The following ATF7 variants were observed in gnomAD, a reference collection of about 807,000 sequenced individuals.
ATF7 encodes the protein activating transcription factor 7.
ATF7 carries 10 observed loss-of-function variants against 50.4 expected under a neutral mutation model. The observed-to-expected ratio is 0.20, with a 90% confidence interval of 0.12 to 0.34. The LOEUF is 0.34. Among genes scored for constraint, ATF7 ranks in the 10% least tolerant of loss-of-function variants. The pLI is 1.00. For synonymous variants in ATF7, 201 were observed against 226.4 expected, an observed-to-expected ratio of 0.89 and a Z score of 1.01; for missense variants, 465 against 613.9, an observed-to-expected ratio of 0.76 and a Z score of 2.56.
chr12:53,573,216 C>T (rs538134207), intron 2 of ATF7, among the ~76,000 whole-genome samples: 1 of 151,996 alleles, frequency 6.6e-6, no homozygotes, highest in South Asian at 2.1e-4. Context: ...TCTTACTGTG[C>T]TGAATTTATA....
At chr12:53,525,990 C>T (rs113982798) in intron 9 of ATF7, among the ~76,000 whole-genome samples, 4 of 152,070 alleles carry the variant, frequency 2.6e-5, no homozygotes, top group Admixed American at 1.3e-4. Context: ...GCAGGCGGAT[C>T]ACTTGAGATC....
chr12:53,562,983 T>C (rs1941232712), intron 2 of ATF7, among the ~76,000 whole-genome samples: 1 of 152,196 alleles, frequency 6.6e-6, no homozygotes, highest in African/African-American at 2.4e-5. Flanking sequence ...TGTCCTCTTG[T>C]CCTTGTTTAT....
chr12:53,581,054 G>A (rs930919176), intron 2 of ATF7, among the ~76,000 whole-genome samples: 2 of 151,938 alleles, frequency 1.3e-5, no homozygotes, highest in African/African-American at 4.8e-5. Flanking sequence ...AGAGCTTGCA[G>A]TGAGCCAAGA....
intron 2 of ATF7, among the ~76,000 whole-genome samples, chr12:53,554,870 GAAAAAAAAAA>G (rs61675595): frequency 5.3e-5 from 4 of 76,048 alleles, no homozygotes; most frequent in South Asian, 5.1e-4. Flanking sequence ...CTCAAAAAAA[GAAAAAAAAAA>G]AAAAAAAAAA....
chr12:53,608,715 T>C (rs749959841), intron 1 of ATF7, among the ~76,000 whole-genome samples: 3 of 152,210 alleles, frequency 2.0e-5, no homozygotes, highest in South Asian at 2.1e-4. Context: ...AAAAATTATA[T>C]GCAAACAGCT....
At chr12:53,536,198 T>A (rs982995075) in intron 5 of ATF7, among the ~76,000 whole-genome samples, 1 of 152,134 alleles carries the variant, frequency 6.6e-6, no homozygotes, top group African/African-American at 2.4e-5. Flanking sequence ...TTTATAAGTA[T>A]GTACTTTTGT....
chr12:53,589,231 C>A (rs1367272069), intron 2 of ATF7, among the ~76,000 whole-genome samples: 1 of 152,088 alleles, frequency 6.6e-6, no homozygotes. Flanking sequence ...ACTGAGTAAC[C>A]CTGTACAAGT....
At chr12:53,553,163 C>T (rs992516621) in intron 2 of ATF7, among the ~76,000 whole-genome samples, 6 of 152,202 alleles carry the variant, frequency 3.9e-5, no homozygotes, top group African/African-American at 1.2e-4. Flanking sequence ...CTGCAGCAGG[C>T]GCCTGCATGG....
Position 53,517,305 on chromosome 12 carries a change from A to T in ATF7, c.1284T>A (p.Ile428=), listed in dbSNP as rs2137307734. The T allele has an allele frequency of 6.2e-7, 1 of 1,613,972 alleles. No individual in the cohort carries two copies. The highest frequency in any genetic ancestry group is 2.2e-5 in the East Asian group (1 of 44,888). ...SEPTGSPAPV[I]QHSSATAPSN... ...TAGGGGCTGTTGCTGAGCTGTGCTG[A>T]ATCACAGGGGCTGGAGAACCCGTTG... The change falls in exon 12 of 12, where the codon ATT becomes ATA. Residue 428 remains isoleucine, a synonymous_variant. Transcript: ENST00000420353.
chr12:53,550,339 TA>T (rs1290152303), intron 3 of ATF7, among the ~76,000 whole-genome samples: 2 of 128,314 alleles, frequency 1.6e-5, no homozygotes, highest in Non-Finnish European at 3.3e-5. Context: ...AAAAAATAAA[TA>T]AATAAATAAA....
chr12:53,605,429 T>C (rs1277331320), intron 1 of ATF7, among the ~76,000 whole-genome samples: 1 of 151,710 alleles, frequency 6.6e-6, no homozygotes, highest in East Asian at 1.9e-4. Context: ...AGGAAGAAGT[T>C]TGAAATTAAT....
intron 2 of ATF7, among the ~76,000 whole-genome samples, chr12:53,579,531 G>A (rs1000013048): frequency 2.0e-5 from 3 of 147,032 alleles, no homozygotes; most frequent in African/African-American, 7.6e-5. Context: ...CACCCTGGGA[G>A]ACAGTGCGAA....
At chr12:53,558,033 G>T (rs1940860098) in intron 2 of ATF7, among the ~76,000 whole-genome samples, 1 of 152,136 alleles carries the variant, frequency 6.6e-6, no homozygotes, top group African/African-American at 2.4e-5. Context: ...GGTTTGCATT[G>T]TATTTCTTTT....
At position 53,531,831 on chromosome 12, in the gene ATF7, AC is replaced by A; in HGVS notation, c.839del (p.Gly280ValfsTer7). The stretch of plus-strand genomic sequence containing the variant: ...GGGCTGTCACCATGGTGCTGGCAGT[AC>A]CCACCACCATTCCACAACCACCATT... Reference protein sequence around the residue: ...SINGGCGMVVGTASTMVTARP... With the variant: ...SINGGCGMVVXTASTMVTARP... On this transcript the variant is annotated frameshift_variant, in exon 9 of 12. Transcript: ENST00000420353. LOFTEE classifies it high-confidence loss of function. The A allele has an allele frequency of 6.2e-7, 1 of 1,613,368 alleles. No homozygotes were observed. Among genetic ancestry groups the A allele is most frequent in the Non-Finnish European group, 8.5e-7 (1 of 1,179,798 alleles).
chr12:53,524,721 C>G lies in ATF7; in HGVS notation c.968G>C (p.Arg323Pro), dbSNP rs763653671. Residue 323 changes from arginine to proline, a missense_variant, in exon 10 of 12, where the codon CGG becomes CCG. Physicochemically the swap from Arg to Pro is moderately radical, Grantham distance 103. Coordinates refer to ENST00000420353, the MANE Select transcript of ATF7 (RefSeq NM_006856.3). This position sits in a 1 kb window ranked among gnomAD's most constrained non-coding sequence, Gnocchi z 4.6. ...AQPTPSTGGRRRRTVDEDPDE... is the reference protein window; with the variant it reads ...AQPTPSTGGRPRRTVDEDPDE... ...TGGATCTTCATCTACTGTGCGCCGC[C>G]GTCGCCCCCCAGTACTAGGGGTGGG... 6.2e-7 allele frequency: 1 copy of G among 1,612,198 alleles called. No homozygotes were observed. The highest frequency in any genetic ancestry group is 1.1e-5 in the South Asian group (1 of 90,964).
chr12:53,533,749 A>C (rs761712374), intron 6 of ATF7, among the ~76,000 whole-genome samples: 2 of 152,196 alleles, frequency 1.3e-5, no homozygotes, highest in Non-Finnish European at 2.9e-5. Context: ...TCCTGACAAC[A>C]GCCTCTTAAC....
chr12:53,564,200 C>T (rs573549005), intron 2 of ATF7, among the ~76,000 whole-genome samples: 1 of 152,286 alleles, frequency 6.6e-6, no homozygotes, highest in South Asian at 2.1e-4. Flanking sequence ...CATGGCAAAA[C>T]CCTGTCTCTA....
intron 2 of ATF7, among the ~76,000 whole-genome samples, chr12:53,570,727 TCCTGTGTG>T (rs1439347049): frequency 1.4e-4 from 18 of 130,328 alleles, no homozygotes; most frequent in African/African-American, 3.4e-4. Context: ...CATAGTGTTC[TCCTGTGTG>T]CGTGTGTGTG....
chr12:53,577,647 C>T (rs1409236914), intron 2 of ATF7, among the ~76,000 whole-genome samples: 8 of 147,886 alleles, frequency 5.4e-5, no homozygotes, highest in Admixed American at 4.1e-4. Context: ...ACCCGGGAGG[C>T]GGAGCTTGCA....
Sources: allele counts gnomAD v4.1 joint callset (sites outside exome capture counted in the v4.1 genomes callset), GRCh38; gene constraint gnomAD v4.1.1; non-coding constraint Gnocchi (gnomAD v3.1); transcripts MANE v1.5; gene names NCBI Gene and HGNC (gene_info 2026-07-23, HGNC 2026-07-21).